VTN: variants seen among roughly 807,000 people sequenced by gnomAD.
VTN encodes vitronectin.
VTN carries 45 observed loss-of-function variants against 55.9 expected under a neutral mutation model. The ratio of observed to expected loss-of-function variants is 0.80; its 90% CI spans 0.63 to 1.03. The LOEUF is 1.03. Among genes scored for constraint, VTN ranks in the 50% least tolerant of loss-of-function variants. The pLI, the probability that VTN is intolerant of heterozygous loss-of-function variation, is 0.00. For synonymous variants in VTN, 238 were observed against 242.3 expected (o/e 0.98, Z 0.17); for missense variants, 589 against 638.2 (o/e 0.92, Z 0.83).
chr17:28,370,049 A>G lies in VTN; in HGVS notation c.65-3T>C. 1 of 1,614,088 alleles carries G rather than the reference A, an allele frequency of 6.2e-7. No individual in the cohort carries two copies. Among genetic ancestry groups the G allele is most frequent in the Non-Finnish European group, 8.5e-7 (1 of 1,179,994 alleles). ...AGTGCAGCGGCCCTTGCATGACTCTATGAGGAAGGAGTGTCAGTCGGTGCC... is the reference window on the plus strand; with the variant it reads ...AGTGCAGCGGCCCTTGCATGACTCTGTGAGGAAGGAGTGTCAGTCGGTGCC... On this transcript the variant is annotated splice_polypyrimidine_tract_variant and splice_region_variant and intron_variant, in intron 1 of 7. Transcript: ENST00000226218.
Position 28,369,873 on chromosome 17 carries a change from G to C in VTN, c.185-22C>G. 6.2e-7 allele frequency: 1 copy of C among 1,612,146 alleles called. No individual in the cohort carries two copies. The highest frequency in any genetic ancestry group is 8.5e-7 in the Non-Finnish European group (1 of 1,178,484). ...GTCACTGCAGAGAGTGGATGGTAGT[G>C]AGTCTCCAGCAGCAGGGGGCACCCC... On this transcript the variant is annotated intron_variant, in intron 2 of 7. Coordinates refer to ENST00000226218, the MANE Select transcript of VTN (RefSeq NM_000638.4). This position sits in a 1 kb window ranked among gnomAD's most constrained non-coding sequence, Gnocchi z 5.3.
At position 28,367,719 on chromosome 17, in the gene VTN, A is replaced by G; in HGVS notation, c.1320T>C (p.Ser440=). 3.1e-6 allele frequency: 5 copies of G among 1,607,720 alleles called. No homozygotes were observed. The South Asian group carries it at 5.5e-5, about 18-fold the overall frequency. ...CEPIQSVFFF[S]GDKYYRVNLR... is the part of the protein sequence containing the mutation. ...AGGGGTGGCAGCGGCTCCTACCTCC[A>G]GAGAAGAAGAAGACACTCTGGATGG... The change falls in exon 7 of 8, where the codon TCT becomes TCC. Residue 440 remains serine (S), a synonymous_variant. Transcript: ENST00000226218.
In VTN at chr17:28,367,923, C is replaced by T. The variant is rs1196688025; in HGVS notation, c.1116G>A (p.Arg372=). The T allele has an allele frequency of 6.2e-7, 1 of 1,610,442 alleles. No individual in the cohort carries two copies. Among genetic ancestry groups the T allele is most frequent in the African/African-American group, 1.3e-5 (1 of 74,906 alleles). The part of the protein sequence containing the change: ...RPSLAKKQRF[R]HRNRKGYRSQ... The stretch of plus-strand genomic sequence containing the variant: ...AACGGTAGCCTTTGCGGTTGCGATG[C>T]CTAAACCTTTGTTTCTTGGCCAAGG... Residue 372 remains arginine (R), a synonymous_variant, in exon 7 of 8, where the codon AGG becomes AGA. Transcript: ENST00000226218.
chr17:28,370,192 C>T lies in VTN; in HGVS notation c.12G>A (p.Leu4=). The change falls in exon 1 of 8, where the codon CTG becomes CTA. Residue 4 remains leucine, a synonymous_variant. Transcript: ENST00000226218. MAP[L]RPLLILALLA... ...GCAGGGCCAGTATGAGAAGGGGTCT[C>T]AGGGGTGCCATGGCAGGGCTTCTAG... is the stretch of plus-strand genomic sequence containing the variant. 1 of 1,613,112 alleles carries T rather than the reference C, an allele frequency of 6.2e-7. No homozygotes were observed. The highest frequency in any genetic ancestry group is 8.5e-7 in the Non-Finnish European group (1 of 1,179,332).
chr17:28,367,675 C>T (rs1555583201), intron 7 of VTN, 40 bp downstream of exon 7: 1 of 1,589,972 alleles, frequency 6.3e-7, no homozygotes, highest in Non-Finnish European at 8.6e-7. Context: ...GCAAGGAAAA[C>T]CCAAGCTAGA....
At position 28,368,919 on chromosome 17, in the gene VTN, A is replaced by G; in HGVS notation, c.779T>C (p.Leu260Pro). 6.2e-7 allele frequency: 1 copy of G among 1,611,574 alleles called. No individual in the cohort carries two copies. Among genetic ancestry groups the G allele is most frequent in the South Asian group, 1.1e-5 (1 of 90,764 alleles). ...CCGGCCACTGTAGCTATGGGCAGGG[A>G]GGGCCAAGGCTGCATCCACGTTGTC... ...IPDNVDAALA[L>P]PAHSYSGRER... The change falls in exon 5 of 8, where the codon CTC becomes CCC. Residue 260 changes from leucine (L) to proline (P), a missense_variant. By Grantham distance (98) the Leu-to-Pro change is moderately conservative (BLOSUM62 -3). Coordinates refer to ENST00000226218, the MANE Select transcript of VTN (RefSeq NM_000638.4).
At chr17:28,368,448 C>T in intron 6 of VTN, 73 bp downstream of exon 6, 6 of 1,577,164 alleles carry the variant, frequency 3.8e-6, no homozygotes, top group Non-Finnish European at 3.5e-6. Context: ...CCCCTCCAGC[C>T]GGCCTGGCTC....
rs1555583616 is a variant in VTN at position 28,369,500 on chromosome 17, G to C, written c.529+7C>G. 1.2e-6 allele frequency: 2 copies of C among 1,601,104 alleles called. No individual in the cohort carries two copies. Among genetic ancestry groups the C allele is most frequent in the South Asian group, 2.2e-5 (2 of 90,324 alleles). ...ACCCGCATCCCCAGTACCTGCCCTG[G>C]ATTCACCTCGGAAGGCAAAGAGGGA... On this transcript the variant is annotated splice_region_variant and intron_variant, in intron 3 of 7. Transcript: ENST00000226218. The surrounding 1 kb of genome is among the most constrained non-coding windows in gnomAD (Gnocchi z 5.3).
In VTN at chr17:28,368,576, C is replaced by T; in HGVS notation, c.924G>A (p.Met308Ile). The change falls in exon 6 of 8, where the codon ATG (methionine) becomes ATA (isoleucine). Residue 308 changes from methionine to isoleucine, a missense_variant. Met to Ile is a conservative substitution (Grantham distance 10, BLOSUM62 1). Coordinates refer to ENST00000226218, the MANE Select transcript of VTN (RefSeq NM_000638.4). Reference protein sequence around the residue: ...LSAVFEHFAMMQRDSWEDIFE... With the variant: ...LSAVFEHFAMIQRDSWEDIFE... ...AGATGTCCTCCCAGCTGTCCCGCTG[C>T]ATCATGGCAAAGTGTTCAAACACAG... 1 of 1,614,100 alleles carries T rather than the reference C, an allele frequency of 6.2e-7. No individual in the cohort carries two copies. Among genetic ancestry groups the T allele is most frequent in the Non-Finnish European group, 8.5e-7 (1 of 1,180,032 alleles).
rs782042178 is a variant in VTN at position 28,370,099 on chromosome 17, T to G, written c.64+41A>C. 15 of 1,613,512 alleles carry G rather than the reference T, an allele frequency of 9.3e-6. No individual in the cohort carries two copies. In the Admixed American group the frequency reaches 2.5e-4, roughly 27 times the overall value. On this transcript the variant is annotated intron_variant, in intron 1 of 7. Transcript: ENST00000226218. ...CACCAAGCCCAGACCACCCTCGCCC[T>G]CCCTACATTGACCCAGATGGCCACC...
chr17:28,369,928 T>G lies in VTN; in HGVS notation c.183A>C (p.Gln61His). 6.2e-7 allele frequency: 1 copy of G among 1,613,990 alleles called. No homozygotes were observed. The highest frequency in any genetic ancestry group is 8.5e-7 in the Non-Finnish European group (1 of 1,179,978). Residue 61 changes from glutamine to histidine, a missense_variant and splice_region_variant, in exon 2 of 8, where the codon CAA (glutamine) becomes CAC (histidine). Gln to His is a conservative substitution (Grantham distance 24). Coordinates refer to ENST00000226218, the MANE Select transcript of VTN (RefSeq NM_000638.4). This position sits in a 1 kb window ranked among gnomAD's most constrained non-coding sequence, Gnocchi z 5.3. The stretch of plus-strand genomic sequence containing the variant: ...CACCCACCTGGGCTCTGAACACACC[T>G]TGGGGCTTGCACTCAGCCGTATAGT... ...CTDYTAECKP[Q>H]VTRGDVFTMP...
Position 28,367,860 on chromosome 17 carries a change from G to A in VTN, c.1179C>T (p.Ser393=). ...RGHSRGRNQN[S]RRPSRATWLS... is the part of the protein sequence containing the mutation. ...GCCACGTGGCGCGGGATGGCCGGCGGGAGTTCTGGTTGCGGCCACGGCTGT... is the reference window on the plus strand; with the variant it reads ...GCCACGTGGCGCGGGATGGCCGGCGAGAGTTCTGGTTGCGGCCACGGCTGT... Residue 393 remains serine, a synonymous_variant, in exon 7 of 8, where the codon TCC becomes TCT. Transcript: ENST00000226218. 1.2e-6 allele frequency: 2 copies of A among 1,614,100 alleles called. No individual in the cohort carries two copies. Among genetic ancestry groups the A allele is most frequent in the Non-Finnish European group, 1.7e-6 (2 of 1,180,000 alleles).
chr17:28,368,957 G>A lies in VTN; in HGVS notation c.741C>T (p.Phe247=), dbSNP rs782008611. The stretch of plus-strand genomic sequence containing the variant: ...CATCCACGTTGTCCGGGATGCCATC[G>A]AAGCCGTCAGAGATATTTCGGGGGT... ...PDYPRNISDG[F]DGIPDNVDAA... is the part of the protein sequence containing the mutation. The change falls in exon 5 of 8, where the codon TTC becomes TTT. Residue 247 remains phenylalanine (F), a synonymous_variant. Transcript: ENST00000226218. The A allele has an allele frequency of 5.0e-6, 8 of 1,603,620 alleles. No homozygotes were observed. The Admixed American group carries it at 5.4e-5, about 11-fold the overall frequency.
chr17:28,369,009 A>G lies in VTN; in HGVS notation c.689T>C (p.Phe230Ser). 6.3e-7 allele frequency: 1 copy of G among 1,595,544 alleles called. No homozygotes were observed. The highest frequency in any genetic ancestry group is 8.5e-7 in the Non-Finnish European group (1 of 1,175,066). The change falls in exon 5 of 8, where the codon TTT becomes TCT. Residue 230 changes from phenylalanine to serine, a missense_variant. Around this residue, in one of 3 missense-constraint regions of VTN, gnomAD observed 38 missense variants for 68.8 expected, o/e 0.55. Transcript: ENST00000226218. The surrounding 1 kb of genome is among the most constrained non-coding windows in gnomAD (Gnocchi z 5.3). Reference sequence around the variant, plus strand: ...ATCAGGGTCCAGGACACCATCCTCAAAGCGCCAGTACTGACTACCCTAAGA... The same window carrying G: ...ATCAGGGTCCAGGACACCATCCTCAGAGCGCCAGTACTGACTACCCTAAGA... ...YLFKGSQYWR[F>S]EDGVLDPDYP...
At position 28,368,781 on chromosome 17, in the gene VTN, G is replaced by T; in HGVS notation, c.826+91C>A. 2 of 1,610,886 alleles carry T rather than the reference G, an allele frequency of 1.2e-6. 1 individual carries two copies. The highest frequency in any genetic ancestry group is 2.2e-5 in the South Asian group (2 of 90,946). The stretch of plus-strand genomic sequence containing the variant: ...CCAGCATGAGGTGGGGGTCAGGGGT[G>T]GGCACATGCTGAGGCCTGTCCCCAG... On this transcript the variant is annotated intron_variant, in intron 5 of 7. Coordinates refer to ENST00000226218, the MANE Select transcript of VTN (RefSeq NM_000638.4).
Position 28,368,947 on chromosome 17 carries a change from G to A in VTN, c.751C>T (p.Pro251Ser). ...GCCAAGGCTGCATCCACGTTGTCCG[G>A]GATGCCATCGAAGCCGTCAGAGATA... ...RNISDGFDGI[P>S]DNVDAALALP... The change falls in exon 5 of 8, where the codon CCG (proline) becomes TCG (serine). Residue 251 changes from proline (P) to serine (S), a missense_variant. Pro to Ser is a moderately conservative substitution (Grantham distance 74). Transcript: ENST00000226218. The A allele has an allele frequency of 6.2e-7, 1 of 1,603,518 alleles. No individual in the cohort carries two copies.
In VTN at chr17:28,368,675, T is replaced by G. The variant is rs112031466; in HGVS notation, c.827-2A>C. ...ACTGGTACTCCCAGTACTGTTTCCC[T>G]GAGGAGCAGGGTGGTGGGCATTAGG... On this transcript the variant is annotated splice_acceptor_variant, in intron 5 of 7. Transcript: ENST00000226218. LOFTEE classifies it high-confidence loss of function. The G allele has an allele frequency of 3.1e-6, 5 of 1,613,200 alleles. No individual in the cohort carries two copies. The highest frequency in any genetic ancestry group is 4.2e-6 in the Non-Finnish European group (5 of 1,179,726).
At position 28,368,965 on chromosome 17, in the gene VTN, C is replaced by A; in HGVS notation, c.733G>T (p.Asp245Tyr). 6.2e-7 allele frequency: 1 copy of A among 1,604,298 alleles called. No individual in the cohort carries two copies. Among genetic ancestry groups the A allele is most frequent in the Non-Finnish European group, 8.5e-7 (1 of 1,177,442 alleles). ...TTGTCCGGGATGCCATCGAAGCCGTCAGAGATATTTCGGGGGTAATCAGGG... is the reference window on the plus strand; with the variant it reads ...TTGTCCGGGATGCCATCGAAGCCGTAAGAGATATTTCGGGGGTAATCAGGG... ...LDPDYPRNISDGFDGIPDNVD... is the reference protein window; with the variant it reads ...LDPDYPRNISYGFDGIPDNVD... Residue 245 changes from aspartate to tyrosine, a missense_variant, in exon 5 of 8, where the codon GAC becomes TAC. This residue lies in a region of VTN where 334 missense variants were observed against 328.2 expected (regional missense o/e 1.02). Coordinates refer to ENST00000226218, the MANE Select transcript of VTN (RefSeq NM_000638.4).
At chr17:28,367,502 G>T in intron 7 of VTN, 21 bp from the exon 8 acceptor site, 1 of 1,601,074 alleles carries the variant, frequency 6.2e-7, no homozygotes, top group South Asian at 1.1e-5. Context: ...GGAAAGCAGA[G>T]GATGCGTGAG....
Sources: gnomAD v4.1 joint callset for allele counts on GRCh38, gnomAD v4.1.1 for gene constraint, gnomAD v4.1.1 regional missense constraint, Gnocchi (gnomAD v3.1) non-coding constraint, MANE v1.5 for transcripts, NCBI Gene and HGNC (gene_info 2026-07-23, HGNC 2026-07-21) for gene names.